Variants in STKLD1 observed in about 807,000 individuals in gnomAD.
STKLD1 encodes the protein serine/threonine kinase like domain containing 1.
In STKLD1, 79 loss-of-function variants were observed where a neutral mutation model predicts 80.4. That is an observed-to-expected ratio of 0.98 (90% CI 0.82 to 1.19). STKLD1 has a LOEUF of 1.19. Ranked by LOEUF, STKLD1 falls within the 50% of genes most tolerant of loss-of-function variation. The probability of loss-of-function intolerance (pLI) is 0.00; values close to 1 mark genes in which losing one functional copy is unlikely to be tolerated. For synonymous variants in STKLD1, 393 were observed against 357.6 expected (o/e 1.10, Z -1.12); for missense variants, 841 against 856.0 (o/e 0.98, Z 0.22).
chr9:133,399,372 TAG>T (rs145215898), intron 11 of STKLD1, among the ~76,000 whole-genome samples: 358 of 152,180 alleles, frequency 2.4e-3, no homozygotes, highest in Non-Finnish European at 4.0e-3. Flanking sequence ...TTTGAGTAGG[TAG>T]CAGAGGCCTC....
At chr9:133,387,633 G>A in intron 5 of STKLD1, 85 bp downstream of exon 5, 1 of 1,057,484 alleles carries the variant, frequency 9.5e-7, no homozygotes, top group Non-Finnish European at 1.5e-6. Context: ...AACAGCGGGA[G>A]GGCAGGCACC....
chr9:133,376,366 G>A lies in STKLD1; in HGVS notation c.-108G>A. The A allele has an allele frequency of 2.1e-6, 3 of 1,399,212 alleles. No homozygotes were observed. Among genetic ancestry groups the A allele is most frequent in the Non-Finnish European group, 2.8e-6 (3 of 1,067,318 alleles). 86.7% of individuals were successfully genotyped at this position (1,399,212 alleles called of 1,614,324 possible). A position where few individuals can be genotyped will look rare whatever the true frequency, so the allele number is the denominator to read the frequency against. On this transcript the variant is annotated 5_prime_UTR_variant, in exon 1 of 18. Transcript: ENST00000371957. ...GGGCCAGCGCGCGGGAGGGACGCCTGAGTGCCTCGAGGGCGCCGTTCGGGC... is the reference window on the plus strand; with the variant it reads ...GGGCCAGCGCGCGGGAGGGACGCCTAAGTGCCTCGAGGGCGCCGTTCGGGC...
At chr9:133,405,221 T>G (rs1838821396) in intron 17 of STKLD1, 31 bp from the exon 18 acceptor site, 1 of 1,568,574 alleles carries the variant, frequency 6.4e-7, no homozygotes, top group Admixed American at 1.8e-5. Context: ...GGAAGGACTC[T>G]GGCCTCAGGA....
chr9:133,403,138 G>A (rs147414803), intron 14 of STKLD1, 126 bp downstream of exon 14: 255 of 1,006,844 alleles, frequency 2.5e-4, no homozygotes, highest in Non-Finnish European at 3.2e-4. Flanking sequence ...CCATAGTCCG[G>A]GAAAGGCTCT....
rs782577965 is a variant in STKLD1, at chr9:133,395,718, T to C, written c.821T>C (p.Leu274Pro). 3 of 1,613,566 alleles carry C rather than the reference T, an allele frequency of 1.9e-6. No individual in the cohort carries two copies. Among genetic ancestry groups the C allele is most frequent in the Admixed American group, 3.3e-5 (2 of 60,026 alleles). Residue 274 changes from leucine (L) to proline (P), a missense_variant, in exon 9 of 18, where the codon CTG (leucine) becomes CCG (proline). By Grantham distance (98) the Leu-to-Pro change is moderately conservative. Transcript: ENST00000371957. ...GATGTGGAAACCTTCAGGAATCTTC[T>C]GCCCTTGATGCTCCAGATCGACCCC... ...IPDVETFRNL[L>P]PLMLQIDPSD...
At chr9:133,381,798 C>T (rs1319594102) in intron 2 of STKLD1, among the ~76,000 whole-genome samples, 1 of 152,170 alleles carries the variant, frequency 6.6e-6, no homozygotes, top group Non-Finnish European at 1.5e-5. Context: ...ACTTCACCTC[C>T]TCATATGCCC....
rs1284429840 is a variant in STKLD1, at chr9:133,389,741, C to T, written c.467+145C>T. ...GCAGCCAGGATAGGATGGGACCTTA[C>T]AGAGCTCCTCCCGGGCTTGAAAGAG... On this transcript the variant is annotated intron_variant, in intron 6 of 17. Coordinates refer to ENST00000371957, the MANE Select transcript of STKLD1 (RefSeq NM_153710.5). This position sits in a 1 kb window ranked among gnomAD's most constrained non-coding sequence, Gnocchi z 6.4. 5 of 1,358,888 alleles carry T rather than the reference C, an allele frequency of 3.7e-6. No individual in the cohort carries two copies. In the East Asian group the frequency reaches 1.3e-4, roughly 35 times the overall value. 84.2% of individuals were successfully genotyped at this position (1,358,888 alleles called of 1,614,324 possible).
chr9:133,386,305 C>T (rs909382705), intron 4 of STKLD1, among the ~76,000 whole-genome samples: 1 of 152,238 alleles, frequency 6.6e-6, no homozygotes, highest in African/African-American at 2.4e-5. Flanking sequence ...AGTACGTGGC[C>T]AAGCCAGAGG....
intron 2 of STKLD1, among the ~76,000 whole-genome samples, chr9:133,380,737 A>G (rs74947054): frequency 6.6e-6 from 1 of 152,228 alleles, no homozygotes; most frequent in African/African-American, 2.4e-5. Flanking sequence ...GAGTGTAGGT[A>G]GGAGTTTATG....
intron 13 of STKLD1, among the ~76,000 whole-genome samples, 191 bp from the exon 14 acceptor site, chr9:133,402,687 G>A (rs587772601): frequency 2.0e-5 from 3 of 152,330 alleles, no homozygotes; most frequent in East Asian, 1.9e-4. Flanking sequence ...GGTGGCCCAC[G>A]AGATGGACAG....
intron 13 of STKLD1, 115 bp from the exon 14 acceptor site, chr9:133,402,763 A>G (rs1247955584): frequency 1.6e-6 from 2 of 1,227,942 alleles, no homozygotes; most frequent in African/African-American, 1.5e-5. Flanking sequence ...GACTTGGCCC[A>G]GAGCAGGCAC....
At chr9:133,393,645 ATGGG>A (rs1388031546) in intron 7 of STKLD1, among the ~76,000 whole-genome samples, 3 of 88,922 alleles carry the variant, frequency 3.4e-5, no homozygotes, top group African/African-American at 1.4e-4. Context: ...GGGTGAGTGG[ATGGG>A]TGGGTGGGTG....
At chr9:133,377,669 G>GA (rs2130255191) in intron 1 of STKLD1, among the ~76,000 whole-genome samples, 34 of 146,006 alleles carry the variant, frequency 2.3e-4, no homozygotes, top group Middle Eastern at 6.9e-3. Flanking sequence ...GTCTCAGAAA[G>GA]AAAAAAAAAA....
Position 133,380,297 on chromosome 9 carries a change from G to A in STKLD1, c.174+1175G>A, listed in dbSNP as rs2130263156. Among the ~76,000 whole-genome samples, 19 of 151,838 alleles carry A rather than the reference G, an allele frequency of 1.3e-4. No individual in the cohort carries two copies. The South Asian group carries it at 3.0e-3, about 24-fold the overall frequency. ...TGAGCTCAGGCAGTCCGCCCGCCTCGGCCTCCCAAAGTGCTGGGATTACAG... is the reference window on the plus strand; with the variant it reads ...TGAGCTCAGGCAGTCCGCCCGCCTCAGCCTCCCAAAGTGCTGGGATTACAG... On this transcript the variant is annotated intron_variant, in intron 2 of 17. Coordinates refer to ENST00000371957, the MANE Select transcript of STKLD1 (RefSeq NM_153710.5).
intron 11 of STKLD1, 91 bp from the exon 12 acceptor site, chr9:133,400,322 G>T: frequency 1.1e-6 from 1 of 894,842 alleles, no homozygotes; most frequent in Non-Finnish European, 1.8e-6. Flanking sequence ...GGGCCCTGCA[G>T]GCTCCTACCA....
chr9:133,403,892 C>A, intron 15 of STKLD1, 28 bp from the exon 16 acceptor site: 1 of 1,608,526 alleles, frequency 6.2e-7, no homozygotes, highest in Non-Finnish European at 8.5e-7. Flanking sequence ...GCACAGCAGG[C>A]ACAAGGCAGC....
At chr9:133,392,703 G>A (rs1426617825) in intron 7 of STKLD1, among the ~76,000 whole-genome samples, 1,998 of 100,924 alleles carry the variant, frequency 0.02, 205 homozygotes, top group Non-Finnish European at 0.024. Flanking sequence ...GAGTGGATGA[G>A]TGGATGGATG....
intron 9 of STKLD1, among the ~76,000 whole-genome samples, chr9:133,396,551 C>A (rs782584079): frequency 6.6e-6 from 1 of 151,888 alleles, no homozygotes; most frequent in Admixed American, 6.6e-5. Flanking sequence ...GTCAGGTGTT[C>A]GAGACCAGCC....
rs114475390 is a variant in STKLD1 at position 133,401,697 on chromosome 9, C to T, written c.1199-41C>T. The T allele has an allele frequency of 4.6e-3, 7,301 of 1,591,628 alleles. 288 individuals carry two copies. In the African/African-American group the frequency reaches 0.084, roughly 18 times the overall value. On this transcript the variant is annotated intron_variant, in intron 12 of 17. Coordinates refer to ENST00000371957, the MANE Select transcript of STKLD1 (RefSeq NM_153710.5). ...TTGTGTGTCTGGCCCCATGCCTGAG[C>T]TGTGGGGCTAACCCCAGGCGTCTTC...
Sources: allele counts gnomAD v4.1 joint callset (sites outside exome capture counted in the v4.1 genomes callset), GRCh38; gene constraint gnomAD v4.1.1; non-coding constraint Gnocchi (gnomAD v3.1); transcripts MANE v1.5; gene names NCBI Gene and HGNC (gene_info 2026-07-23, HGNC 2026-07-21).